Variants in N4BP1 observed in about 807,000 individuals in gnomAD.
The protein encoded by N4BP1 is NEDD4-binding protein 1.
N4BP1 carries 21 observed loss-of-function variants against 70.9 expected under a neutral mutation model. That is an observed-to-expected ratio of 0.30 (90% confidence interval 0.21 to 0.43). The LOEUF (loss-of-function observed/expected upper bound fraction) is 0.43. Among genes scored for constraint, N4BP1 ranks in the 20% least tolerant of loss-of-function variants. The pLI is 1.00. For synonymous variants in N4BP1, 387 were observed against 394.6 expected, an observed-to-expected ratio of 0.98 and a Z score of 0.23; for missense variants, 936 against 1,069.4, an observed-to-expected ratio of 0.88 and a Z score of 1.74.
At chr16:48,606,569 C>T (rs1374011366) in intron 1 of N4BP1, among the ~76,000 whole-genome samples, 1 of 152,216 alleles carries the variant, frequency 6.6e-6, no homozygotes, top group African/African-American at 2.4e-5. Context: ...GTACTGCTTT[C>T]TACGACAAAT....
At chr16:48,564,471 C>T (rs1963909805) in intron 1 of N4BP1, among the ~76,000 whole-genome samples, 1 of 152,154 alleles carries the variant, frequency 6.6e-6, no homozygotes, top group Admixed American at 6.5e-5. Flanking sequence ...AATCACTTTG[C>T]CATACTTGTG....
intron 1 of N4BP1, among the ~76,000 whole-genome samples, chr16:48,577,231 A>C (rs1964107286): frequency 6.6e-6 from 1 of 152,070 alleles, no homozygotes; most frequent in Non-Finnish European, 1.5e-5. Flanking sequence ...ACTGTATGTA[A>C]CATGACCAAC....
intron 1 of N4BP1, among the ~76,000 whole-genome samples, chr16:48,581,953 T>A (rs1964180738): frequency 1.3e-5 from 2 of 151,820 alleles, no homozygotes; most frequent in Admixed American, 1.3e-4. Context: ...AAAAATAGAC[T>A]AACAGAATTA....
rs889665773 is a variant in N4BP1, at chr16:48,548,871, C to A, written c.2118-757G>T. Among the ~76,000 whole-genome samples the A allele has an allele frequency of 4.1e-4, 62 of 150,284 alleles. 1 individual carries two copies. The highest frequency in any genetic ancestry group is 1.4e-3 in the African/African-American group (59 of 40,792). ...AAAAAAAAAAAAATTCATAGGTTCA[C>A]ACTGCTCTGATTTAAAAAGAGGTAT... On this transcript the variant is annotated intron_variant, in intron 4 of 6. Coordinates refer to ENST00000262384, the MANE Select transcript of N4BP1 (RefSeq NM_153029.4).
At chr16:48,570,631 G>A (rs1052837790) in intron 1 of N4BP1, among the ~76,000 whole-genome samples, 1 of 152,184 alleles carries the variant, frequency 6.6e-6, no homozygotes. Context: ...ACAGGCATAC[G>A]CCACTGCGCC....
rs201851184 is a variant in N4BP1 at position 48,576,037 on chromosome 16, A to AT, written c.199-13594dup. ...TGCTGGATGCACACTTTAGTATGCT[A>AT]TTTTTTTTTTTTAGGAGACTCTTTC... On this transcript the variant is annotated intron_variant, in intron 1 of 6. Coordinates refer to ENST00000262384, the MANE Select transcript of N4BP1 (RefSeq NM_153029.4). 1.9e-3 allele frequency among the ~76,000 whole-genome samples: 282 copies of AT among 146,020 alleles called. 2 individuals are homozygous for AT. The highest frequency in any genetic ancestry group is 0.013 in the East Asian group (66 of 5,038).
intron 2 of N4BP1, among the ~76,000 whole-genome samples, chr16:48,559,198 A>G (rs1384446605): frequency 6.6e-6 from 1 of 152,174 alleles, no homozygotes; most frequent in Non-Finnish European, 1.5e-5. Context: ...AATCCTAATA[A>G]AAAATTTACA....
chr16:48,604,689 C>G (rs1964552044), intron 1 of N4BP1, among the ~76,000 whole-genome samples: 1 of 150,886 alleles, frequency 6.6e-6, no homozygotes, highest in African/African-American at 2.4e-5. Context: ...GCACATATAA[C>G]TGTTTTTTTA....
chr16:48,559,618 A>G (rs1375592665), intron 2 of N4BP1: 1 of 152,278 alleles, frequency 6.6e-6, no homozygotes, highest in Non-Finnish European at 1.5e-5. Flanking sequence ...GCTTCAGCCA[A>G]TCACAGGCTG....
chr16:48,568,734 C>T (rs1963974829), intron 1 of N4BP1, among the ~76,000 whole-genome samples: 1 of 152,094 alleles, frequency 6.6e-6, no homozygotes, highest in Non-Finnish European at 1.5e-5. Flanking sequence ...TTCTTCTGTC[C>T]TTCGCAGTTT....
At chr16:48,604,332 T>C (rs2151103590) in intron 1 of N4BP1, among the ~76,000 whole-genome samples, 1 of 152,112 alleles carries the variant, frequency 6.6e-6, no homozygotes, top group African/African-American at 2.4e-5. Context: ...GGGAGGATCA[T>C]TTGAGCTCGG....
intron 1 of N4BP1, chr16:48,600,303 A>C: frequency 8.9e-7 from 1 of 1,118,244 alleles, no homozygotes; most frequent in Non-Finnish European, 1.3e-6. Flanking sequence ...CAATCCTTGC[A>C]AAGTTAGGTG....
intron 3 of N4BP1, 148 bp from the exon 4 acceptor site, chr16:48,551,630 TA>T (rs372509885): frequency 4.5e-3 from 2,156 of 475,668 alleles, no homozygotes; most frequent in South Asian, 6.4e-3. Flanking sequence ...CACTAGGAAT[TA>T]AAAAAAAAAC....
intron 3 of N4BP1, among the ~76,000 whole-genome samples, chr16:48,551,691 A>G (rs1253364184): frequency 6.6e-6 from 1 of 152,140 alleles, no homozygotes; most frequent in Non-Finnish European, 1.5e-5. Context: ...AACTTCAGTT[A>G]TTTTTTAAAC....
intron 1 of N4BP1, among the ~76,000 whole-genome samples, chr16:48,608,347 C>T (rs1964617266): frequency 6.6e-6 from 1 of 152,156 alleles, no homozygotes; most frequent in Admixed American, 6.5e-5. Flanking sequence ...CAGCTGAGTG[C>T]CCCGTCTCCT....
At chr16:48,591,838 G>A (rs1477284621) in intron 1 of N4BP1, among the ~76,000 whole-genome samples, 1 of 148,738 alleles carries the variant, frequency 6.7e-6, no homozygotes, top group Non-Finnish European at 1.5e-5. Flanking sequence ...TGGATAGATC[G>A]CTCTCAAAAT....
intron 1 of N4BP1, among the ~76,000 whole-genome samples, chr16:48,574,167 A>G (rs1178712206): frequency 6.6e-6 from 1 of 152,226 alleles, no homozygotes; most frequent in African/African-American, 2.4e-5. Context: ...TGCTGTACAC[A>G]TAAATCTTTT....
chr16:48,543,181 G>C lies in N4BP1; in HGVS notation c.2414C>G (p.Ala805Gly), dbSNP rs1378614326. ...PSFRVPGTQA[A>G]STSHQPPTRI... is the part of the protein sequence containing the mutation. ...GGTCGGAGGCTGGTGGCTGGTGCTG[G>C]CTGCCTGGGTGCCAGGGACTCTGAA... Residue 805 changes from alanine (A) to glycine (G), a missense_variant, in exon 7 of 7, where the codon GCC becomes GGC. By Grantham distance (60) the Ala-to-Gly change is moderately conservative. Around this residue, in one of 4 missense-constraint regions of N4BP1, gnomAD observed 229 missense variants for 343.5 expected, o/e 0.67. Coordinates refer to ENST00000262384, the MANE Select transcript of N4BP1 (RefSeq NM_153029.4). The C allele has an allele frequency of 6.3e-7, 1 of 1,594,376 alleles. No individual in the cohort carries two copies. The highest frequency in any genetic ancestry group is 1.3e-5 in the African/African-American group (1 of 74,644).
intron 1 of N4BP1, among the ~76,000 whole-genome samples, chr16:48,588,528 C>CA (rs1964282063): frequency 1.3e-5 from 2 of 152,274 alleles, no homozygotes; most frequent in East Asian, 3.9e-4. Context: ...CTCCTGACCT[C>CA]AAGTGATCCA....
Sources: allele counts gnomAD v4.1 joint callset (sites outside exome capture counted in the v4.1 genomes callset), GRCh38; gene constraint gnomAD v4.1.1; regional missense constraint gnomAD v4.1.1; transcripts MANE v1.5; gene names NCBI Gene and HGNC (gene_info 2026-07-23, HGNC 2026-07-21).